The following ACCSL variants were observed in gnomAD, a reference collection of about 807,000 sequenced individuals.
The protein encoded by ACCSL is probable inactive 1-aminocyclopropane-1-carboxylate synthase-like protein 2.
A neutral mutation model predicts 61.7 loss-of-function variants in ACCSL; 55 were observed. That is an observed-to-expected ratio of 0.89 (90% CI 0.72 to 1.12). The LOEUF (loss-of-function observed/expected upper bound fraction) is 1.12. Ranked by LOEUF, ACCSL falls within the 50% of genes most tolerant of loss-of-function variation. The probability of loss-of-function intolerance (pLI) is 0.00; values close to 1 mark genes in which losing one functional copy is unlikely to be tolerated. For missense variants in ACCSL, 632 were observed against 698.0 expected (o/e 0.91, Z 1.07); for synonymous variants, 258 against 264.3 (o/e 0.98, Z 0.23).
At chr11:43,987,494 A>C in the ACCSL span, among the ~76,000 whole-genome samples, 79 of 152,324 alleles carry the variant, frequency 5.2e-4, no homozygotes, top group African/African-American at 1.9e-3. Context: ...GCTTCTAGCA[A>C]GAAGTTGGCG....
chr11:43,950,765 G>A, the ACCSL span, among the ~76,000 whole-genome samples: 31 of 152,318 alleles, frequency 2.0e-4, no homozygotes, highest in African/African-American at 5.8e-4. Context: ...TTGTGGAGCC[G>A]AACAGCCTGT....
upstream of ACCSL, among the ~76,000 whole-genome samples, chr11:44,044,753 C>T (rs975044435): frequency 1.3e-5 from 2 of 152,156 alleles, no homozygotes; most frequent in African/African-American, 4.8e-5. Context: ...AACTGCCAGC[C>T]TGTTCCCACT....
In ACCSL at chr11:44,048,551, GGGGT is replaced by G; in HGVS notation, c.504+15_504+18del. The G allele has an allele frequency of 4.1e-6, 1 of 243,268 alleles. No individual in the cohort carries two copies. Among genetic ancestry groups the G allele is most frequent in the Non-Finnish European group, 7.1e-6 (1 of 141,450 alleles). 15.1% of individuals were successfully genotyped at this position (243,268 alleles called of 1,614,324 possible). A position where few individuals can be genotyped will look rare whatever the true frequency, so the allele number is the denominator to read the frequency against. ...GACAAGAACACCTTGGTGAGAATTT[GGGGT>G]GGGGGGTGGGCAGCATCCTCACGGG... On this transcript the variant is annotated intron_variant, in intron 1 of 13. Coordinates refer to ENST00000378832, the MANE Select transcript of ACCSL (RefSeq NM_001031854.2).
chr11:43,994,801 T>TG, the ACCSL span, among the ~76,000 whole-genome samples: 14 of 142,458 alleles, frequency 9.8e-5, no homozygotes, highest in Non-Finnish European at 1.6e-4. Context: ...GCCTGGCTAA[T>TG]TTTTTTTTGT....
In ACCSL at chr11:44,050,574, G is replaced by T. The variant is rs749289426; in HGVS notation, c.587G>T (p.Cys196Phe). 2.5e-6 allele frequency: 4 copies of T among 1,614,024 alleles called. No individual in the cohort carries two copies. In the South Asian group the frequency reaches 3.3e-5, roughly 13 times the overall value. The change falls in exon 3 of 14, where the codon TGC (cysteine) becomes TTC (phenylalanine). Residue 196 changes from cysteine (C) to phenylalanine (F), a missense_variant. Coordinates refer to ENST00000378832, the MANE Select transcript of ACCSL (RefSeq NM_001031854.2). The part of the protein sequence containing the change: ...TERLQESDMN[C>F]IEDTLLQYPD... The stretch of plus-strand genomic sequence containing the variant: ...CAGTTGCAAGAAAGTGACATGAACT[G>T]CATTGAGGACACCTTGCTTCAGTAC...
chr11:43,936,847 A>G, the ACCSL span, among the ~76,000 whole-genome samples: 1 of 151,558 alleles, frequency 6.6e-6, no homozygotes, highest in Non-Finnish European at 1.5e-5. Flanking sequence ...GCAGTATGGG[A>G]GCTCGGTCCT....
the ACCSL span, among the ~76,000 whole-genome samples, chr11:43,940,945 A>G: frequency 2.0e-5 from 3 of 152,104 alleles, no homozygotes; most frequent in Non-Finnish European, 2.9e-5. Context: ...AGCTCTTGCT[A>G]CTTCCTGCTG....
At chr11:43,926,440 T>C in the ACCSL span, 295,298 of 447,798 alleles carry the variant, frequency 0.66, 99,390 homozygotes, top group East Asian at 0.91. Context: ...CAGGCCACTT[T>C]CAAACTCTGT....
chr11:43,997,344 G>C, the ACCSL span, among the ~76,000 whole-genome samples: 1 of 152,140 alleles, frequency 6.6e-6, no homozygotes, highest in African/African-American at 2.4e-5. Context: ...CGGTTCCAGA[G>C]AGGATTCTTC....
At chr11:43,934,466 A>ACACACACACGCG in the ACCSL span, among the ~76,000 whole-genome samples, 2 of 151,988 alleles carry the variant, frequency 1.3e-5, no homozygotes, top group African/African-American at 4.8e-5. Context: ...TTTGCATTCC[A>ACACACACACGCG]CACACACACG....
At chr11:44,033,010 C>T in the ACCSL span, among the ~76,000 whole-genome samples, 1 of 152,164 alleles carries the variant, frequency 6.6e-6, no homozygotes, top group South Asian at 2.1e-4. Flanking sequence ...CTTGTATCAG[C>T]CTCAGTCTCA....
chr11:43,996,115 G>A, the ACCSL span, among the ~76,000 whole-genome samples: 1 of 152,192 alleles, frequency 6.6e-6, no homozygotes, highest in Non-Finnish European at 1.5e-5. Context: ...CAGGGGAAAG[G>A]CCTGGGATAG....
the ACCSL span, among the ~76,000 whole-genome samples, chr11:43,970,290 C>T: frequency 3.9e-5 from 6 of 152,124 alleles, no homozygotes; most frequent in African/African-American, 7.2e-5. Flanking sequence ...CCTGCAGCCT[C>T]GACCTCCTGG....
the ACCSL span, among the ~76,000 whole-genome samples, chr11:43,928,344 T>C: frequency 1.3e-5 from 2 of 152,140 alleles, no homozygotes; most frequent in Non-Finnish European, 2.9e-5. Context: ...GTAACACCCC[T>C]TCTTCCCATG....
At chr11:44,001,132 A>T in the ACCSL span, 1 of 152,178 alleles carries the variant, frequency 6.6e-6, no homozygotes, top group Non-Finnish European at 1.5e-5. Context: ...ACAGAGATGC[A>T]TAAAATAAAT....
At chr11:43,922,624 G>A in the ACCSL span, among the ~76,000 whole-genome samples, 2 of 152,196 alleles carry the variant, frequency 1.3e-5, no homozygotes, top group African/African-American at 4.8e-5. Context: ...TGGTGAGTTA[G>A]ACAAATTCTC....
chr11:43,938,514 A>G, the ACCSL span, among the ~76,000 whole-genome samples: 2 of 152,196 alleles, frequency 1.3e-5, no homozygotes, highest in African/African-American at 4.8e-5. Context: ...TTCATTTAAA[A>G]TGAAAGTGGC....
At chr11:43,974,224 A>G in the ACCSL span, 1 of 152,244 alleles carries the variant, frequency 6.6e-6, no homozygotes, top group South Asian at 2.1e-4. Flanking sequence ...TTCATGGACT[A>G]TGACTGCTGT....
At chr11:44,030,592 CA>C in the ACCSL span, among the ~76,000 whole-genome samples, 1 of 152,026 alleles carries the variant, frequency 6.6e-6, no homozygotes, top group East Asian at 1.9e-4. Context: ...TTGGAGCCTT[CA>C]ATTTTTGTGT....
Sources: gnomAD v4.1 joint callset for allele counts (sites outside exome capture counted in the v4.1 genomes callset) on GRCh38, gnomAD v4.1.1 for gene constraint, MANE v1.5 for transcripts, NCBI Gene and HGNC (gene_info 2026-07-23, HGNC 2026-07-21) for gene names.